Variants in PDE4D observed in about 807,000 individuals in gnomAD.
The protein encoded by PDE4D is phosphodiesterase 4D, also known as 3',5'-cyclic-AMP phosphodiesterase 4D.
PDE4D carries 24 observed loss-of-function variants against 87.4 expected under a neutral mutation model. That is an observed-to-expected ratio of 0.27 (90% CI 0.20 to 0.39). PDE4D has a LOEUF of 0.39. PDE4D is among the 10% of genes least tolerant of loss of function. The probability of loss-of-function intolerance (pLI) is 1.00; values close to 1 mark genes in which losing one functional copy is unlikely to be tolerated. For synonymous variants in PDE4D, 384 were observed against 383.2 expected (o/e 1.00, Z -0.02); for missense variants, 714 against 1,041.0 (o/e 0.69, Z 4.32).
intron 1 of PDE4D, among the ~76,000 whole-genome samples, chr5:59,636,357 T>C (rs1022629592): frequency 1.3e-5 from 2 of 152,210 alleles, no homozygotes; most frequent in African/African-American, 4.8e-5. Flanking sequence ...CCATTGACTT[T>C]CTTCACAGAA....
intron 2 of PDE4D, among the ~76,000 whole-genome samples, chr5:60,063,902 C>G (rs1328593009): frequency 6.6e-6 from 1 of 151,930 alleles, no homozygotes; most frequent in Non-Finnish European, 1.5e-5. Context: ...TGATACAGGT[C>G]AAAATGCATG....
In PDE4D at chr5:60,345,190, G is replaced by A. The variant is rs552242676; in HGVS notation, c.-90+142752C>T. ...AAACCATCATTCTCAGCAAACTATCGCAAGAACAAAAAACCAAACACCACA... is the reference window on the plus strand; with the variant it reads ...AAACCATCATTCTCAGCAAACTATCACAAGAACAAAAAACCAAACACCACA... On this transcript the variant is annotated intron_variant, in intron 1 of 16. Coordinates refer to the PDE4D transcript ENST00000502484. 3.2e-4 allele frequency among the ~76,000 whole-genome samples: 48 copies of A among 151,714 alleles called. No individual in the cohort carries two copies. In the South Asian group the frequency reaches 4.8e-3, roughly 15 times the overall value.
intron 1 of PDE4D, chr5:59,217,404 A>C (rs1440663541): frequency 2.5e-6 from 1 of 393,012 alleles, no homozygotes; most frequent in Non-Finnish European, 5.0e-6. Flanking sequence ...AAATAGAGTT[A>C]TGACTCTAAG....
chr5:60,092,340 T>C (rs2149312829), intron 2 of PDE4D, among the ~76,000 whole-genome samples: 1 of 152,062 alleles, frequency 6.6e-6, no homozygotes, highest in East Asian at 1.9e-4. Context: ...TGTAAAAAAA[T>C]ACAGTTAGAT....
intron 5 of PDE4D, among the ~76,000 whole-genome samples, chr5:59,051,926 C>A (rs1250302604): frequency 2.7e-5 from 4 of 147,764 alleles, no homozygotes; most frequent in Non-Finnish European, 5.9e-5. Context: ...AGAGAGTAAT[C>A]TTCCTCCCTC....
intron 1 of PDE4D, among the ~76,000 whole-genome samples, chr5:59,305,778 T>A (rs928380098): frequency 2.6e-5 from 4 of 152,184 alleles, no homozygotes; most frequent in African/African-American, 9.7e-5. Flanking sequence ...TTGATATAAT[T>A]CAATTTTCTT....
chr5:60,383,997 T>C (rs1048807641), intron 1 of PDE4D, among the ~76,000 whole-genome samples: 4 of 152,194 alleles, frequency 2.6e-5, no homozygotes, highest in Admixed American at 1.3e-4. Flanking sequence ...ACAGACCAGA[T>C]TCTTAACCAC....
chr5:59,444,921 GTTCT>G (rs1798140198), intron 1 of PDE4D, among the ~76,000 whole-genome samples: 1 of 152,186 alleles, frequency 6.6e-6, no homozygotes, highest in Non-Finnish European at 1.5e-5. Context: ...CCCCATTCAA[GTTCT>G]GTAACTCAGA....
intron 1 of PDE4D, among the ~76,000 whole-genome samples, chr5:59,636,100 C>CAGAG (rs56019757): frequency 1 from 152,211 of 152,224 alleles, 76,099 homozygotes; most frequent in Non-Finnish European, 1. Context: ...AATAGACAAA[C>CAGAG]AGCCAAATCA....
At chr5:60,312,983 T>C (rs759844258) in intron 1 of PDE4D, among the ~76,000 whole-genome samples, 16 of 152,052 alleles carry the variant, frequency 1.1e-4, no homozygotes, top group Non-Finnish European at 2.1e-4. Flanking sequence ...GTTAGGAAGA[T>C]TTTAATTTAA....
At chr5:60,383,956 A>G (rs1172181750) in intron 1 of PDE4D, among the ~76,000 whole-genome samples, 1 of 152,222 alleles carries the variant, frequency 6.6e-6, no homozygotes, top group East Asian at 1.9e-4. Context: ...TAAGTGTTGA[A>G]GCTACTGTAA....
chr5:59,089,912 G>A (rs1768380581), intron 5 of PDE4D, among the ~76,000 whole-genome samples: 1 of 152,102 alleles, frequency 6.6e-6, no homozygotes, highest in African/African-American at 2.4e-5. Context: ...GCAGAGAGAT[G>A]AGAGGAAACA....
intron 1 of PDE4D, among the ~76,000 whole-genome samples, chr5:59,379,138 C>T (rs1785281510): frequency 6.6e-6 from 1 of 152,122 alleles, no homozygotes; most frequent in African/African-American, 2.4e-5. Context: ...TAAGCCACAA[C>T]ACCCAAACCT....
At chr5:59,490,774 C>T (rs1014789065) in intron 1 of PDE4D, among the ~76,000 whole-genome samples, 2 of 152,192 alleles carry the variant, frequency 1.3e-5, no homozygotes, top group African/African-American at 4.8e-5. Flanking sequence ...AGATATAATA[C>T]ATTTTTATGT....
intron 1 of PDE4D, chr5:60,429,846 TTG>T (rs1193212645): frequency 8.8e-6 from 3 of 341,846 alleles, no homozygotes; most frequent in African/African-American, 2.2e-5. Flanking sequence ...TTTTTTTTTT[TTG>T]TTTTTTTTTT....
chr5:59,204,728 C>T (rs989171201), intron 2 of PDE4D, among the ~76,000 whole-genome samples: 1 of 152,144 alleles, frequency 6.6e-6, no homozygotes, highest in Non-Finnish European at 1.5e-5. Flanking sequence ...GTTCTAGGAA[C>T]GGGATCTTCT....
rs6450524 is a variant in PDE4D at position 59,681,334 on chromosome 5, C to A, written c.455+211834G>T. Among the ~76,000 whole-genome samples, 266 of 152,212 alleles carry A rather than the reference C, an allele frequency of 1.7e-3. 1 individual carries two copies. Among genetic ancestry groups the A allele is most frequent in the African/African-American group, 5.8e-3 (239 of 41,546 alleles). On this transcript the variant is annotated intron_variant, in intron 1 of 14. Coordinates refer to ENST00000340635, the MANE Select transcript of PDE4D (RefSeq NM_001104631.2). The stretch of plus-strand genomic sequence containing the variant: ...ATAACAACCTGCTAAATAAAGAATT[C>A]ATGACTCCACACAGAAACAAGCACG...
In PDE4D at chr5:59,034,993, TA is replaced by T. The variant is rs1480122485; in HGVS notation, c.921+3865del. 5.3e-5 allele frequency among the ~76,000 whole-genome samples: 8 copies of T among 152,352 alleles called. No homozygotes were observed. In the East Asian group the frequency reaches 1.5e-3, roughly 29 times the overall value. On this transcript the variant is annotated intron_variant, in intron 6 of 14. Transcript: ENST00000340635. ...GAAGGCCTGGTGAAATGTGCATTAT[TA>T]GGTCACAAGAGGATAACGTTACAGG...
intron 1 of PDE4D, chr5:59,275,851 G>A (rs769587867): frequency 2.1e-4 from 210 of 985,776 alleles, no homozygotes; most frequent in Non-Finnish European, 2.4e-4. Flanking sequence ...CTGTAACACG[G>A]GAGAGCTGTC....
Sources: gnomAD v4.1 joint callset for allele counts (sites outside exome capture counted in the v4.1 genomes callset) on GRCh38, gnomAD v4.1.1 for gene constraint, MANE v1.5 for transcripts, NCBI Gene and HGNC (gene_info 2026-07-23, HGNC 2026-07-21) for gene names.